The following XIRP2 variants were observed in gnomAD, a reference collection of about 807,000 sequenced individuals.
XIRP2 encodes xin actin binding repeat containing 2.
A neutral mutation model predicts 277.0 loss-of-function variants in XIRP2; 236 were observed. The observed-to-expected ratio is 0.85, with a 90% CI of 0.77 to 0.95. XIRP2 has a LOEUF of 0.95. XIRP2 is among the 40% of genes least tolerant of loss of function. XIRP2 has a pLI of 0.00. For missense variants in XIRP2, 4,640 were observed against 4,157.5 expected (o/e 1.12, Z -3.19); for synonymous variants, 1,490 against 1,416.5 (o/e 1.05, Z -1.17).
chr2:167,259,198 T>A lies in XIRP2; in HGVS notation c.*1381T>A, dbSNP rs996206823. The A allele has an allele frequency of 6.2e-7, 1 of 1,613,536 alleles. No homozygotes were observed. Among genetic ancestry groups the A allele is most frequent in the African/African-American group, 1.3e-5 (1 of 74,982 alleles). ...TTGGAAAGGATGTTAAACCTTGGCATGTTGAAACAACAGAAGCTGCCCGCA... is the reference window on the plus strand; with the variant it reads ...TTGGAAAGGATGTTAAACCTTGGCAAGTTGAAACAACAGAAGCTGCCCGCA... On this transcript the variant is annotated 3_prime_UTR_variant, in exon 11 of 11. Coordinates refer to ENST00000409195, the MANE Select transcript of XIRP2 (RefSeq NM_152381.6).
Position 167,250,393 on chromosome 2 carries a change from A to G in XIRP2, c.9001A>G (p.Met3001Val). Residue 3001 changes from methionine (M) to valine (V), a missense_variant, in exon 9 of 11, where the codon ATG becomes GTG. By Grantham distance (21) the Met-to-Val change is conservative. Transcript: ENST00000409195. The stretch of plus-strand genomic sequence containing the variant: ...GAGAGAATATGCAGTTCACATTGCC[A>G]TGGAGAATAATTTAGAAAAAGTAAA... ...DKREYAVHIA[M>V]ENNLEKVKEE... The G allele has an allele frequency of 6.2e-7, 1 of 1,613,526 alleles. No individual in the cohort carries two copies.
At chr2:166,929,351 A>C (rs1252613755) in intron 2 of XIRP2, among the ~76,000 whole-genome samples, 1 of 152,098 alleles carries the variant, frequency 6.6e-6, no homozygotes, top group Non-Finnish European at 1.5e-5. Flanking sequence ...ACTGTCCTAA[A>C]AATCCCCACC....
chr2:166,911,625 G>T (rs979530307), intron 2 of XIRP2, among the ~76,000 whole-genome samples: 10 of 152,066 alleles, frequency 6.6e-5, no homozygotes, highest in East Asian at 3.9e-4. Flanking sequence ...GGTTAATATT[G>T]TTATGTGTGA....
chr2:167,003,568 G>A (rs1425926770), intron 2 of XIRP2, among the ~76,000 whole-genome samples: 2 of 151,804 alleles, frequency 1.3e-5, no homozygotes, highest in African/African-American at 4.8e-5. Flanking sequence ...GAAAGATTTA[G>A]GGAACAGCAT....
chr2:167,153,328 C>T (rs940676502), intron 3 of XIRP2, among the ~76,000 whole-genome samples: 5 of 151,950 alleles, frequency 3.3e-5, no homozygotes, highest in East Asian at 1.9e-4. Flanking sequence ...TACTTAACCA[C>T]TTTAAGCTTC....
At chr2:166,905,365 G>A (rs981846590) in intron 2 of XIRP2, among the ~76,000 whole-genome samples, 1 of 151,902 alleles carries the variant, frequency 6.6e-6, no homozygotes, top group Admixed American at 6.6e-5. Flanking sequence ...ATGATGTAAT[G>A]TAACCTACTC....
chr2:167,024,923 G>T (rs185349429), intron 2 of XIRP2, among the ~76,000 whole-genome samples: 97 of 152,190 alleles, frequency 6.4e-4, no homozygotes, highest in African/African-American at 2.3e-3. Flanking sequence ...CTCTTTTGTG[G>T]TTGTCTCTCT....
intron 2 of XIRP2, among the ~76,000 whole-genome samples, chr2:167,132,511 TAC>T (rs35636231): frequency 0.094 from 13,705 of 145,866 alleles, 653 homozygotes; most frequent in African/African-American, 0.14. Flanking sequence ...TGCATGTGTA[TAC>T]ACACACACAC....
At chr2:167,206,452 A>C (rs1318155111) in intron 3 of XIRP2, among the ~76,000 whole-genome samples, 1 of 152,128 alleles carries the variant, frequency 6.6e-6, no homozygotes, top group Non-Finnish European at 1.5e-5. Flanking sequence ...TTTAATTTTC[A>C]AAATGCTTGA....
At chr2:167,087,138 T>C (rs1431326900) in intron 2 of XIRP2, among the ~76,000 whole-genome samples, 7 of 152,188 alleles carry the variant, frequency 4.6e-5, no homozygotes, top group Non-Finnish European at 7.3e-5. Context: ...ATGTCCTTTC[T>C]GTTTGTTAGT....
intron 2 of XIRP2, among the ~76,000 whole-genome samples, chr2:166,933,631 A>T (rs942566833): frequency 1.3e-5 from 2 of 152,000 alleles, no homozygotes; most frequent in Non-Finnish European, 2.9e-5. Flanking sequence ...AAATTCCAGA[A>T]GGTGCATGTT....
chr2:167,257,331 G>A (rs1695684055), intron 10 of XIRP2, among the ~76,000 whole-genome samples: 1 of 151,850 alleles, frequency 6.6e-6, no homozygotes, highest in African/African-American at 2.4e-5. Flanking sequence ...GTTTTTATGT[G>A]TAGATTCATA....
chr2:167,003,157 A>G (rs908550290), intron 2 of XIRP2, among the ~76,000 whole-genome samples: 4 of 151,884 alleles, frequency 2.6e-5, no homozygotes, highest in African/African-American at 7.2e-5. Flanking sequence ...CATTAATTGC[A>G]GGTGAAACTT....
chr2:167,013,633 A>G (rs1302113848), intron 2 of XIRP2, among the ~76,000 whole-genome samples: 4 of 151,574 alleles, frequency 2.6e-5, no homozygotes, highest in Non-Finnish European at 5.9e-5. Context: ...ACTAATTATA[A>G]CATTAGATTT....
At chr2:166,899,511 T>A (rs1684323769) in intron 1 of XIRP2, among the ~76,000 whole-genome samples, 1 of 152,148 alleles carries the variant, frequency 6.6e-6, no homozygotes, top group Non-Finnish European at 1.5e-5. Context: ...ATTTCCTTTG[T>A]CATTCAAGAA....
At chr2:166,968,642 C>T (rs1045340362) in intron 2 of XIRP2, among the ~76,000 whole-genome samples, 1 of 151,960 alleles carries the variant, frequency 6.6e-6, no homozygotes, top group African/African-American at 2.4e-5. Flanking sequence ...TATCCAGAAC[C>T]TGCTCCATTT....
chr2:167,200,971 C>T (rs369097111), intron 3 of XIRP2, among the ~76,000 whole-genome samples: 16 of 151,780 alleles, frequency 1.1e-4, no homozygotes, highest in Admixed American at 6.6e-4. Flanking sequence ...ACTAAAACTA[C>T]AAAAATTAGC....
intron 2 of XIRP2, among the ~76,000 whole-genome samples, chr2:167,026,364 G>T (rs1325929854): frequency 2.0e-5 from 3 of 152,046 alleles, no homozygotes; most frequent in Non-Finnish European, 2.9e-5. Context: ...CACGTGAGAT[G>T]GGTTTCCTGA....
chr2:167,155,956 GACAA>G (rs1290626624), intron 3 of XIRP2, among the ~76,000 whole-genome samples: 4 of 150,024 alleles, frequency 2.7e-5, no homozygotes, highest in Non-Finnish European at 4.4e-5. Flanking sequence ...ACCAATAACA[GACAA>G]ACAGAGAGCC....
Sources: allele counts gnomAD v4.1 joint callset (sites outside exome capture counted in the v4.1 genomes callset), GRCh38; gene constraint gnomAD v4.1.1; transcripts MANE v1.5; gene names NCBI Gene and HGNC (gene_info 2026-07-23, HGNC 2026-07-21).